CACNA1I: variants seen among roughly 807,000 people sequenced by gnomAD.
CACNA1I encodes voltage-dependent T-type calcium channel subunit alpha-1I.
CACNA1I carries 74 observed loss-of-function variants against 201.6 expected under a neutral mutation model. The ratio of observed to expected loss-of-function variants is 0.37; its 90% CI spans 0.30 to 0.45. The LOEUF (loss-of-function observed/expected upper bound fraction) is 0.45, where lower values mean the gene tolerates loss of function less well. Among genes scored for constraint, CACNA1I ranks in the 20% least tolerant of loss-of-function variants. CACNA1I has a pLI of 1.00. For synonymous variants in CACNA1I, 1,431 were observed against 1,345.2 expected (o/e 1.06, Z -1.40); for missense variants, 2,346 against 3,138.1 (o/e 0.75, Z 6.03).
chr22:39,679,618 G>A, intron 32 of CACNA1I, 104 bp from the exon 33 acceptor site: 2 of 1,203,696 alleles, frequency 1.7e-6, no homozygotes, highest in South Asian at 1.5e-5. Context: ...CCAGGCCATG[G>A]GCGCAGAGAA....
rs781779059 is a variant in CACNA1I, at chr22:39,679,361, C to T, written c.5310C>T (p.Gly1770=). The T allele has an allele frequency of 9.3e-5, 143 of 1,535,262 alleles. 2 individuals carry two copies. The highest frequency in any genetic ancestry group is 7.2e-4 in the South Asian group (60 of 83,012). ...PGPRLPTGSP[G]APGRGPGGAG... is the part of the protein sequence containing the mutation. ...CGAGGCTGCCTACCGGCTCCCCGGG[C>T]GCCCCTGGCCGAGGGCCGGGAGGGG... The change falls in exon 32 of 37, where the codon GGC becomes GGT. Residue 1770 remains glycine (G), a synonymous_variant. Coordinates refer to ENST00000402142, the MANE Select transcript of CACNA1I (RefSeq NM_021096.4).
At chr22:39,639,886 T>C (rs1448672807) in intron 5 of CACNA1I, among the ~76,000 whole-genome samples, 2 of 152,246 alleles carry the variant, frequency 1.3e-5, no homozygotes, top group African/African-American at 4.8e-5. Context: ...TATTTTGCTC[T>C]CTTATAGATC....
chr22:39,634,483 T>G, intron 4 of CACNA1I, 82 bp from the exon 5 acceptor site: 6 of 1,380,830 alleles, frequency 4.3e-6, no homozygotes, highest in African/African-American at 1.4e-5. Flanking sequence ...CCCCTCCCTG[T>G]TTCTCTAACC....
chr22:39,628,049 G>T (rs1933948339), intron 4 of CACNA1I, among the ~76,000 whole-genome samples: 1 of 152,168 alleles, frequency 6.6e-6, no homozygotes, highest in Non-Finnish European at 1.5e-5. Flanking sequence ...TGGGGGTGGG[G>T]CAGGGCAAAG....
intron 5 of CACNA1I, among the ~76,000 whole-genome samples, chr22:39,639,693 T>C (rs191345988): frequency 6.6e-6 from 1 of 152,334 alleles, no homozygotes; most frequent in East Asian, 1.9e-4. Flanking sequence ...CCCAAATAGA[T>C]AGCAACTATC....
In CACNA1I at chr22:39,677,440, G is replaced by T; in HGVS notation, c.4933+21G>T. 1 of 1,505,598 alleles carries T rather than the reference G, an allele frequency of 6.6e-7. No individual in the cohort carries two copies. Among genetic ancestry groups the T allele is most frequent in the Non-Finnish European group, 8.9e-7 (1 of 1,119,110 alleles). 93.3% of individuals were successfully genotyped at this position (1,505,598 alleles called of 1,614,324 possible). On this transcript the variant is annotated intron_variant, in intron 30 of 36. Coordinates refer to ENST00000402142, the MANE Select transcript of CACNA1I (RefSeq NM_021096.4). The surrounding 1 kb of genome is among the most constrained non-coding windows in gnomAD (Gnocchi z 4.8). ...GCTGGGTGAGTGACTCCCAGAGCAG[G>T]CCCGTGGTGGGGGTGCAGCAGGGCT...
intron 7 of CACNA1I, among the ~76,000 whole-genome samples, chr22:39,643,974 A>T (rs186260716): frequency 6.6e-6 from 1 of 152,272 alleles, no homozygotes; most frequent in African/African-American, 2.4e-5. Flanking sequence ...CAGCAGTCTG[A>T]CCATACAGCA....
At chr22:39,590,438 C>G (rs1932808029) in intron 1 of CACNA1I, among the ~76,000 whole-genome samples, 2 of 152,236 alleles carry the variant, frequency 1.3e-5, no homozygotes, top group Non-Finnish European at 2.9e-5. Flanking sequence ...AGGCCTGGGT[C>G]CCCAGCAGGG....
At chr22:39,608,138 A>T (rs1486342571) in intron 3 of CACNA1I, among the ~76,000 whole-genome samples, 1 of 131,858 alleles carries the variant, frequency 7.6e-6, no homozygotes, top group Non-Finnish European at 1.7e-5. Flanking sequence ...AAAAAAAAAA[A>T]TACAAATACA....
At chr22:39,634,535 T>G (rs1165723870) in intron 4 of CACNA1I, 30 bp from the exon 5 acceptor site, 1 of 1,612,904 alleles carries the variant, frequency 6.2e-7, no homozygotes, top group African/African-American at 1.3e-5. Flanking sequence ...GCTCCCTGTC[T>G]GACCATCCCT....
At chr22:39,679,467 G>T in intron 32 of CACNA1I, 22 bp downstream of exon 32, 1 of 1,406,588 alleles carries the variant, frequency 7.1e-7, no homozygotes, top group Non-Finnish European at 9.2e-7. Context: ...CTGGAGAGGT[G>T]TGAGGGTCGC....
In CACNA1I at chr22:39,642,799, G is replaced by A; in HGVS notation, c.1059G>A (p.Val353=). Residue 353 remains valine, a splice_region_variant and synonymous_variant, in exon 7 of 37, where the codon GTG becomes GTA. Transcript: ENST00000402142. ...TCTCTCTCCTCTGCGCGCTGCAGGT[G>A]ATCACTCTGGAAGGCTGGGTGGAGA... is the stretch of plus-strand genomic sequence containing the variant. ...IGYAWIVIFQ[V]ITLEGWVEIM... 1 of 1,608,128 alleles carries A rather than the reference G, an allele frequency of 6.2e-7. No individual in the cohort carries two copies. Among genetic ancestry groups the A allele is most frequent in the Admixed American group, 1.7e-5 (1 of 59,454 alleles).
intron 34 of CACNA1I, among the ~76,000 whole-genome samples, chr22:39,681,738 T>A (rs908824764): frequency 6.6e-6 from 1 of 151,370 alleles, no homozygotes; most frequent in African/African-American, 2.4e-5. Context: ...GTGGGGGGTG[T>A]AAGGGACAGC....
In CACNA1I at chr22:39,670,886, A is replaced by G. The variant is rs1003465045; in HGVS notation, c.4471A>G (p.Ile1491Val). 6.2e-7 allele frequency: 1 copy of G among 1,613,730 alleles called. No homozygotes were observed. Among genetic ancestry groups the G allele is most frequent in the Non-Finnish European group, 8.5e-7 (1 of 1,179,840 alleles). ...HSMCTSHYLDIFITFIICLNV... is the reference protein window; with the variant it reads ...HSMCTSHYLDVFITFIICLNV... ...CATGTGCACCAGCCACTACCTGGACATCTTCATCACCTTCATCATCTGCCT... is the reference window on the plus strand; with the variant it reads ...CATGTGCACCAGCCACTACCTGGACGTCTTCATCACCTTCATCATCTGCCT... Residue 1491 changes from isoleucine (I) to valine (V), a missense_variant, in exon 26 of 37, where the codon ATC becomes GTC. Transcript: ENST00000402142.
At chr22:39,640,519 A>C (rs1169664032) in intron 5 of CACNA1I, among the ~76,000 whole-genome samples, 8 of 152,186 alleles carry the variant, frequency 5.3e-5, no homozygotes, top group Non-Finnish European at 8.8e-5. Context: ...GTGCTTGTTT[A>C]CTGACCACCT....
intron 10 of CACNA1I, 21 bp from the exon 11 acceptor site, chr22:39,658,131 C>G: frequency 6.2e-7 from 1 of 1,612,536 alleles, no homozygotes; most frequent in South Asian, 1.1e-5. Context: ...GGTCTCCATT[C>G]CCCACCCCAA....
intron 1 of CACNA1I, among the ~76,000 whole-genome samples, chr22:39,576,416 T>G (rs919041640): frequency 2.6e-5 from 4 of 152,212 alleles, no homozygotes; most frequent in Admixed American, 6.5e-5. Context: ...AGCCAGGCTG[T>G]GGCGGAGCTG....
Position 39,659,393 on chromosome 22 carries a change from T to G in CACNA1I, c.2331-40T>G, listed in dbSNP as rs1178397985. 2.3e-6 allele frequency: 3 copies of G among 1,319,606 alleles called. No homozygotes were observed. Among genetic ancestry groups the G allele is most frequent in the Non-Finnish European group, 3.2e-6 (3 of 935,386 alleles). 81.7% of individuals were successfully genotyped at this position (1,319,606 alleles called of 1,614,324 possible). A position where few individuals can be genotyped will look rare whatever the true frequency, so the allele number is the denominator to read the frequency against. The stretch of plus-strand genomic sequence containing the variant: ...GAAACAAGGTGAGTAGGCAGTTTGG[T>G]GCATGTGAGTCCGATGAGCCTCTTC... On this transcript the variant is annotated intron_variant, in intron 12 of 36. Transcript: ENST00000402142. The surrounding 1 kb of genome is among the most constrained non-coding windows in gnomAD (Gnocchi z 4.3).
At position 39,665,534 on chromosome 22, in the gene CACNA1I, G is replaced by A; in HGVS notation, c.3888G>A (p.Val1296=). ...ISRAPGLKLV[V]ETLISSLKPI... is the part of the protein sequence containing the mutation. ...GGGCGCCGGGCCTGAAGCTGGTGGT[G>A]GAGACACTCATCTCCTCCCTCAAGC... The change falls in exon 22 of 37, where the codon GTG becomes GTA. Residue 1296 remains valine, a synonymous_variant. Coordinates refer to ENST00000402142, the MANE Select transcript of CACNA1I (RefSeq NM_021096.4). This position sits in a 1 kb window ranked among gnomAD's most constrained non-coding sequence, Gnocchi z 5.5. 1.2e-6 allele frequency: 2 copies of A among 1,613,816 alleles called. No homozygotes were observed. Among genetic ancestry groups the A allele is most frequent in the Non-Finnish European group, 1.7e-6 (2 of 1,179,800 alleles).
Sources: gnomAD v4.1 joint callset for allele counts (sites outside exome capture counted in the v4.1 genomes callset) on GRCh38, gnomAD v4.1.1 for gene constraint, Gnocchi (gnomAD v3.1) non-coding constraint, MANE v1.5 for transcripts, NCBI Gene and HGNC (gene_info 2026-07-23, HGNC 2026-07-21) for gene names.